TMCC1: variants seen among roughly 807,000 people sequenced by gnomAD.
TMCC1 encodes transmembrane and coiled-coil domain family 1, also known as transmembrane and coiled-coil domains protein 1.
TMCC1 carries 15 observed loss-of-function variants against 52.4 expected under a neutral mutation model. That is an observed-to-expected ratio of 0.29 (90% CI 0.19 to 0.44). The LOEUF (loss-of-function observed/expected upper bound fraction) is 0.44. Among genes scored for constraint, TMCC1 ranks in the 20% least tolerant of loss-of-function variants. The pLI, the probability that TMCC1 is intolerant of heterozygous loss-of-function variation, is 1.00. For missense variants in TMCC1, 503 were observed against 806.0 expected (o/e 0.62, Z 4.55); for synonymous variants, 279 against 301.9 (o/e 0.92, Z 0.79).
intron 4 of TMCC1, among the ~76,000 whole-genome samples, chr3:129,789,625 C>T (rs1173042814): frequency 1.3e-5 from 2 of 152,100 alleles, no homozygotes; most frequent in South Asian, 4.1e-4. Flanking sequence ...GGACTACAGG[C>T]GCCTGCAACC....
chr3:129,830,943 T>C (rs1303601681), intron 3 of TMCC1, among the ~76,000 whole-genome samples: 2 of 152,224 alleles, frequency 1.3e-5, no homozygotes, highest in Non-Finnish European at 2.9e-5. Context: ...ATTTTTGTTT[T>C]TGTTTTTTTG....
chr3:129,806,557 A>G (rs752013384), intron 4 of TMCC1, among the ~76,000 whole-genome samples: 2 of 152,246 alleles, frequency 1.3e-5, no homozygotes, highest in Non-Finnish European at 2.9e-5. Context: ...AGGGTTTCCC[A>G]TACCATTTTA....
chr3:129,847,612 C>T (rs1397468732), intron 2 of TMCC1: 1 of 152,128 alleles, frequency 6.6e-6, no homozygotes, highest in Non-Finnish European at 1.5e-5. Context: ...TTAGCTATTA[C>T]CAATAAATAA....
intron 2 of TMCC1, among the ~76,000 whole-genome samples, chr3:129,864,797 C>CT (rs980753598): frequency 1.3e-5 from 2 of 152,066 alleles, no homozygotes; most frequent in Non-Finnish European, 1.5e-5. Flanking sequence ...TCAGTACCTT[C>CT]TTTTTTTTCC....
At chr3:129,854,023 C>T (rs2060033360) in intron 2 of TMCC1, among the ~76,000 whole-genome samples, 1 of 152,174 alleles carries the variant, frequency 6.6e-6, no homozygotes, top group African/African-American at 2.4e-5. Flanking sequence ...ACATGGACAA[C>T]TAAATTCCTA....
intron 4 of TMCC1, among the ~76,000 whole-genome samples, chr3:129,824,948 C>T (rs934714740): frequency 6.6e-6 from 1 of 152,126 alleles, no homozygotes; most frequent in African/African-American, 2.4e-5. Context: ...ATTCCACTTC[C>T]ACAGTTATCA....
At chr3:129,872,625 T>G (rs1392097678) in intron 2 of TMCC1, among the ~76,000 whole-genome samples, 2 of 152,276 alleles carry the variant, frequency 1.3e-5, no homozygotes, top group African/African-American at 4.8e-5. Context: ...ATGCAGTTGG[T>G]TGTGCTGGTT....
At chr3:129,720,867 A>T (rs1300988610) in intron 4 of TMCC1, among the ~76,000 whole-genome samples, 4 of 151,332 alleles carry the variant, frequency 2.6e-5, no homozygotes, top group Non-Finnish European at 4.4e-5. Context: ...GCTAATTTTT[A>T]TTTTTTTTAA....
chr3:129,856,921 T>C (rs2060169254), intron 2 of TMCC1, among the ~76,000 whole-genome samples: 1 of 151,848 alleles, frequency 6.6e-6, no homozygotes, highest in Non-Finnish European at 1.5e-5. Context: ...AAACGAGACA[T>C]GGGATTTTTT....
chr3:129,864,586 G>A (rs979225885), intron 2 of TMCC1, among the ~76,000 whole-genome samples: 3 of 152,090 alleles, frequency 2.0e-5, no homozygotes, highest in Admixed American at 6.6e-5. Context: ...ACCCAGGTTC[G>A]AGACTAGCCT....
At chr3:129,769,169 G>A (rs1159421418) in intron 4 of TMCC1, among the ~76,000 whole-genome samples, 4 of 152,358 alleles carry the variant, frequency 2.6e-5, no homozygotes, top group South Asian at 2.1e-4. Flanking sequence ...CGGGCCGCAC[G>A]TGGCCCAGGA....
chr3:129,836,813 T>A (rs2059181244), intron 2 of TMCC1, among the ~76,000 whole-genome samples: 1 of 152,224 alleles, frequency 6.6e-6, no homozygotes, highest in Non-Finnish European at 1.5e-5. Flanking sequence ...CCCATCCTCT[T>A]GTGGGCTTTT....
intron 4 of TMCC1, among the ~76,000 whole-genome samples, chr3:129,727,832 T>C (rs377302773): frequency 1.0e-3 from 157 of 152,308 alleles, no homozygotes; most frequent in African/African-American, 3.4e-3. Flanking sequence ...CTATAGCAAA[T>C]GGCATACTAT....
intron 5 of TMCC1, among the ~76,000 whole-genome samples, chr3:129,660,686 C>G (rs1043185072): frequency 1.3e-5 from 2 of 152,208 alleles, no homozygotes; most frequent in Non-Finnish European, 2.9e-5. Context: ...TAGTTCCATG[C>G]ACTGGCCATT....
At chr3:129,836,285 T>TGATA (rs1346417474) in intron 2 of TMCC1, among the ~76,000 whole-genome samples, 2 of 152,056 alleles carry the variant, frequency 1.3e-5, no homozygotes, top group Non-Finnish European at 2.9e-5. Context: ...TCTCAGTAGG[T>TGATA]GATAGAACAA....
intron 1 of TMCC1, among the ~76,000 whole-genome samples, chr3:129,883,677 TA>T (rs1246504732): frequency 3.9e-5 from 6 of 151,980 alleles, no homozygotes; most frequent in African/African-American, 1.2e-4. Flanking sequence ...TTTACCACAA[TA>T]AAAAAAATAT....
intron 4 of TMCC1, among the ~76,000 whole-genome samples, chr3:129,820,713 A>G (rs932415148): frequency 6.6e-6 from 1 of 152,212 alleles, no homozygotes; most frequent in Non-Finnish European, 1.5e-5. Flanking sequence ...TCTTAGGACA[A>G]TGCTCCAGCA....
At chr3:129,762,196 C>T (rs1412507965) in intron 4 of TMCC1, among the ~76,000 whole-genome samples, 1 of 151,982 alleles carries the variant, frequency 6.6e-6, no homozygotes, top group Admixed American at 6.6e-5. Context: ...CACCACTACA[C>T]TCAGCTAGTT....
chr3:129,878,324 TCTC>T (rs1380085297), intron 2 of TMCC1, among the ~76,000 whole-genome samples: 2 of 152,258 alleles, frequency 1.3e-5, no homozygotes, highest in South Asian at 2.1e-4. Flanking sequence ...TTCTGTTACT[TCTC>T]CTGCAAACTT....
Sources: gnomAD v4.1 joint callset for allele counts (sites outside exome capture counted in the v4.1 genomes callset) on GRCh38, gnomAD v4.1.1 for gene constraint, MANE v1.5 for transcripts, NCBI Gene and HGNC (gene_info 2026-07-23, HGNC 2026-07-21) for gene names.